Variants in CTNND2 observed in about 807,000 individuals in gnomAD.
CTNND2 encodes catenin delta-2.
A neutral mutation model predicts 144.4 loss-of-function variants in CTNND2; 22 were observed. That is an observed-to-expected ratio of 0.15 (90% CI 0.11 to 0.22). The LOEUF (loss-of-function observed/expected upper bound fraction) is 0.22, where lower values mean the gene tolerates loss of function less well. Ranked by LOEUF, CTNND2 falls within the 10% of genes least tolerant of loss-of-function variation. The pLI is 1.00. For synonymous variants in CTNND2, 751 were observed against 695.6 expected, an observed-to-expected ratio of 1.08 and a Z score of -1.25; for missense variants, 1,353 against 1,618.8, an observed-to-expected ratio of 0.84 and a Z score of 2.82.
intron 10 of CTNND2, among the ~76,000 whole-genome samples, chr5:11,216,963 T>C (rs959519220): frequency 2.6e-5 from 4 of 152,164 alleles, no homozygotes; most frequent in African/African-American, 9.7e-5. Context: ...GGTGGATCTA[T>C]ATTGCCCGCC....
intron 1 of CTNND2, among the ~76,000 whole-genome samples, chr5:11,797,162 C>T (rs1191656606): frequency 3.3e-5 from 5 of 152,238 alleles, no homozygotes; most frequent in Non-Finnish European, 5.9e-5. Context: ...ATGAGATCTC[C>T]TAATAAAACA....
intron 1 of CTNND2, among the ~76,000 whole-genome samples, chr5:11,798,596 G>A (rs1791522843): frequency 6.6e-6 from 1 of 152,180 alleles, no homozygotes; most frequent in Non-Finnish European, 1.5e-5. Flanking sequence ...GTGAAACCCT[G>A]TCTTTACTAA....
intron 8 of CTNND2, among the ~76,000 whole-genome samples, chr5:11,350,428 T>C (rs1755209540): frequency 6.6e-6 from 1 of 152,028 alleles, no homozygotes; most frequent in Admixed American, 6.5e-5. Flanking sequence ...ACCAGTGATA[T>C]CACTACTATG....
At chr5:11,756,143 T>C (rs909992083) in intron 1 of CTNND2, among the ~76,000 whole-genome samples, 5 of 151,664 alleles carry the variant, frequency 3.3e-5, no homozygotes, top group Admixed American at 3.3e-4. Flanking sequence ...AACATAAAAT[T>C]CGGAAAAGAA....
intron 10 of CTNND2, among the ~76,000 whole-genome samples, chr5:11,234,367 G>A (rs1741383047): frequency 6.6e-6 from 1 of 152,246 alleles, no homozygotes; most frequent in African/African-American, 2.4e-5. Context: ...GTTTGTATAT[G>A]TTAAGTCATT....
At chr5:11,470,434 A>T (rs1767083088) in intron 3 of CTNND2, among the ~76,000 whole-genome samples, 1 of 151,956 alleles carries the variant, frequency 6.6e-6, no homozygotes, top group Admixed American at 6.6e-5. Flanking sequence ...ACTCTGTCTT[A>T]AAAAAAAGAA....
chr5:11,380,066 C>A (rs1758327561), intron 7 of CTNND2, among the ~76,000 whole-genome samples: 1 of 152,180 alleles, frequency 6.6e-6, no homozygotes, highest in South Asian at 2.1e-4. Flanking sequence ...ACCACTTCAT[C>A]AAGGAAGCAT....
intron 9 of CTNND2, among the ~76,000 whole-genome samples, chr5:11,283,672 T>TGAAAAAA (rs1747401660): frequency 7.2e-5 from 1 of 13,912 alleles, no homozygotes; most frequent in African/African-American, 2.2e-4. Context: ...AGACTCCGTC[T>TGAAAAAA]CAAAAAAAAA....
intron 1 of CTNND2, among the ~76,000 whole-genome samples, chr5:11,750,267 TC>T (rs1365279673): frequency 1.3e-5 from 2 of 151,932 alleles, no homozygotes; most frequent in African/African-American, 4.8e-5. Flanking sequence ...GCATTTAAGA[TC>T]CCCTGTATGA....
intron 2 of CTNND2, among the ~76,000 whole-genome samples, chr5:11,602,197 T>C (rs1215637668): frequency 2.0e-5 from 3 of 152,130 alleles, no homozygotes; most frequent in Non-Finnish European, 4.4e-5. Context: ...TTTAACATTG[T>C]AAGTGGCTCA....
At chr5:11,142,727 C>T (rs551410911) in intron 12 of CTNND2, among the ~76,000 whole-genome samples, 1 of 151,466 alleles carries the variant, frequency 6.6e-6, no homozygotes, top group South Asian at 2.1e-4. Flanking sequence ...CATTCTCCTG[C>T]CTCAGCCTCC....
intron 9 of CTNND2, among the ~76,000 whole-genome samples, chr5:11,277,137 C>T (rs1288524599): frequency 3.3e-5 from 5 of 152,056 alleles, no homozygotes; most frequent in African/African-American, 9.7e-5. Context: ...ATCATTCCCC[C>T]TTGCCTTTTT....
chr5:10,982,393 G>A (rs1304457821), intron 20 of CTNND2, among the ~76,000 whole-genome samples: 1 of 152,268 alleles, frequency 6.6e-6, no homozygotes, highest in African/African-American at 2.4e-5. Flanking sequence ...TAGATGCAGA[G>A]GGAGGATCCC....
chr5:11,634,585 C>G (rs1411268282), intron 2 of CTNND2, among the ~76,000 whole-genome samples: 1 of 152,176 alleles, frequency 6.6e-6, no homozygotes, highest in Non-Finnish European at 1.5e-5. Context: ...CAATCCCACA[C>G]TGAGTTTTGA....
Position 11,785,460 on chromosome 5 carries a change from T to C in CTNND2, c.38-53188A>G, listed in dbSNP as rs891606248. Reference sequence around the variant, plus strand: ...TATAAAATGTTATTTTTTAAAAAACTAAGTTCCAATTTAAAGTGAATAAAA... The same window carrying C: ...TATAAAATGTTATTTTTTAAAAAACCAAGTTCCAATTTAAAGTGAATAAAA... On this transcript the variant is annotated intron_variant, in intron 1 of 21. Transcript: ENST00000304623. Among the ~76,000 whole-genome samples, 14 of 152,334 alleles carry C rather than the reference T, an allele frequency of 9.2e-5. No individual in the cohort carries two copies. The South Asian group carries it at 2.1e-3, about 23-fold the overall frequency.
intron 19 of CTNND2, among the ~76,000 whole-genome samples, 196 bp downstream of exon 19, chr5:10,992,355 G>T (rs1329533875): frequency 1.3e-5 from 2 of 152,236 alleles, no homozygotes; most frequent in East Asian, 1.9e-4. Context: ...TGTTAGAGAA[G>T]GAGATTTGCT....
chr5:11,282,144 C>T (rs533338529), intron 9 of CTNND2, among the ~76,000 whole-genome samples: 13 of 152,048 alleles, frequency 8.5e-5, no homozygotes, highest in South Asian at 6.2e-4. Context: ...TGGTTGTCAA[C>T]GGGGCATTCA....
intron 3 of CTNND2, among the ~76,000 whole-genome samples, chr5:11,424,066 C>T (rs1179120516): frequency 6.6e-6 from 1 of 152,092 alleles, no homozygotes; most frequent in African/African-American, 2.4e-5. Flanking sequence ...TCATCTGAAA[C>T]CATCTGAAAG....
intron 1 of CTNND2, among the ~76,000 whole-genome samples, chr5:11,890,111 T>A (rs927793430): frequency 6.6e-6 from 1 of 152,214 alleles, no homozygotes; most frequent in Non-Finnish European, 1.5e-5. Flanking sequence ...AAAAGTAGCC[T>A]GAAAATTCCC....
Sources: gnomAD v4.1 joint callset for allele counts (sites outside exome capture counted in the v4.1 genomes callset) on GRCh38, gnomAD v4.1.1 for gene constraint, MANE v1.5 for transcripts, NCBI Gene and HGNC (gene_info 2026-07-23, HGNC 2026-07-21) for gene names.